The following SLC12A9 variants were observed in gnomAD, a reference collection of about 807,000 sequenced individuals.
SLC12A9 encodes CCC-interacting protein 1.
SLC12A9 carries 55 observed loss-of-function variants against 66.0 expected under a neutral mutation model. That is an observed-to-expected ratio of 0.83 (90% CI 0.67 to 1.04). The LOEUF is 1.04. Ranked by LOEUF, SLC12A9 falls within the 50% of genes least tolerant of loss-of-function variation. SLC12A9 has a pLI of 0.00. For synonymous variants in SLC12A9, 577 were observed against 569.0 expected (o/e 1.01, Z -0.20); for missense variants, 1,061 against 1,241.9 (o/e 0.85, Z 2.19).
At chr7:100,843,940 T>C (rs1813842965) in intron 1 of SLC12A9, among the ~76,000 whole-genome samples, 1 of 152,150 alleles carries the variant, frequency 6.6e-6, no homozygotes, top group Admixed American at 6.6e-5. Context: ...ATCAGTAGAC[T>C]GTGAGCAGTA....
Position 100,866,005 on chromosome 7 carries a change from T to G in SLC12A9, c.2145T>G (p.Ser715=). Residue 715 remains serine (S), a synonymous_variant, in exon 14 of 14, where the codon TCT becomes TCG. Coordinates refer to ENST00000354161, the MANE Select transcript of SLC12A9 (RefSeq NM_020246.4). This position sits in a 1 kb window ranked among gnomAD's most constrained non-coding sequence, Gnocchi z 7.3. The stretch of plus-strand genomic sequence containing the variant: ...CCCCTGAGCGGCTGAGCCGGGGGTC[T>G]GGGGGCACCTCTCAGCTGCACCATG... ...ALPPERLSRG[S]GGTSQLHHVD... The G allele has an allele frequency of 6.2e-7, 1 of 1,612,604 alleles. No individual in the cohort carries two copies.
At chr7:100,846,845 G>C (rs1022098435) in intron 1 of SLC12A9, among the ~76,000 whole-genome samples, 1 of 152,132 alleles carries the variant, frequency 6.6e-6, no homozygotes, top group African/African-American at 2.4e-5. Context: ...CCACACCCTA[G>C]GCCTAGTAGT....
chr7:100,860,513 C>T, intron 9 of SLC12A9: 1 of 468,200 alleles, frequency 2.1e-6, no homozygotes. Flanking sequence ...TTGGGGTATA[C>T]TAGTATTTTT....
chr7:100,864,049 G>A (rs181840341), intron 13 of SLC12A9, among the ~76,000 whole-genome samples: 1 of 151,038 alleles, frequency 6.6e-6, no homozygotes, highest in African/African-American at 2.4e-5. Flanking sequence ...AAGATATCAG[G>A]TCGGTGCAAA....
intron 1 of SLC12A9, among the ~76,000 whole-genome samples, chr7:100,840,671 C>T (rs1051676177): frequency 2.0e-5 from 3 of 149,258 alleles, no homozygotes; most frequent in Non-Finnish European, 4.4e-5. Context: ...GAAAGAAATG[C>T]AGAGAGAGAG....
In SLC12A9 at chr7:100,855,737, C is replaced by A. The variant is rs554726947; in HGVS notation, c.348C>A (p.Val116=). Residue 116 remains valine (V), a synonymous_variant, in exon 4 of 14, where the codon GTC becomes GTA. Transcript: ENST00000354161. Reference sequence around the variant, plus strand: ...TCAGCCGCACACTGGGGCCCGAGGTCGGGGGCAGCATTGGGCTCATGTTCT... The same window carrying A: ...TCAGCCGCACACTGGGGCCCGAGGTAGGGGGCAGCATTGGGCTCATGTTCT... The part of the protein sequence containing the change: ...FMISRTLGPE[V]GGSIGLMFYL... 2 of 1,614,088 alleles carry A rather than the reference C, an allele frequency of 1.2e-6. No homozygotes were observed. The highest frequency in any genetic ancestry group is 1.7e-6 in the Non-Finnish European group (2 of 1,180,010).
chr7:100,865,220 G>C, intron 13 of SLC12A9: 1 of 1,529,430 alleles, frequency 6.5e-7, no homozygotes, highest in Non-Finnish European at 8.8e-7. Context: ...AGCTTCCCAA[G>C]ATGCTGCGAT....
chr7:100,842,739 A>T (rs996948998), intron 1 of SLC12A9, among the ~76,000 whole-genome samples: 2 of 152,262 alleles, frequency 1.3e-5, no homozygotes, highest in Non-Finnish European at 2.9e-5. Flanking sequence ...CATTAAACAA[A>T]AGCAATTGTT....
At position 100,862,668 on chromosome 7, in the gene SLC12A9, A is replaced by G. The variant is rs747338156; in HGVS notation, c.1712-13A>G. 15 of 1,612,970 alleles carry G rather than the reference A, an allele frequency of 9.3e-6. No individual in the cohort carries two copies. The highest frequency in any genetic ancestry group is 1.3e-5 in the Non-Finnish European group (15 of 1,179,218). On this transcript the variant is annotated splice_polypyrimidine_tract_variant and intron_variant, in intron 12 of 13. Coordinates refer to ENST00000354161, the MANE Select transcript of SLC12A9 (RefSeq NM_020246.4). ...CAACACTGGCTACCTTCCTTTCCTTATCTTCTCTGTAGACTCCCTGCCCTC... is the reference window on the plus strand; with the variant it reads ...CAACACTGGCTACCTTCCTTTCCTTGTCTTCTCTGTAGACTCCCTGCCCTC...
At chr7:100,831,816 C>T (rs750869085) in intron 1 of SLC12A9, among the ~76,000 whole-genome samples, 1 of 152,116 alleles carries the variant, frequency 6.6e-6, no homozygotes, top group Non-Finnish European at 1.5e-5. Flanking sequence ...CTAACTGTGT[C>T]GGGTCCAAAG....
intron 1 of SLC12A9, among the ~76,000 whole-genome samples, chr7:100,831,692 G>T (rs1813547400): frequency 6.6e-6 from 1 of 152,148 alleles, no homozygotes; most frequent in Non-Finnish European, 1.5e-5. Flanking sequence ...TAATCCTGGA[G>T]TTACAGCTTT....
upstream of SLC12A9, among the ~76,000 whole-genome samples, chr7:100,851,572 T>A (rs1485045355): frequency 3.3e-5 from 5 of 150,614 alleles, no homozygotes; most frequent in Admixed American, 3.3e-4. Flanking sequence ...TGCAGGCGCA[T>A]GCTTGAGTTC....
chr7:100,854,098 T>G, intron 1 of SLC12A9, 58 bp from the exon 2 acceptor site: 1 of 1,160,494 alleles, frequency 8.6e-7, no homozygotes, highest in Non-Finnish European at 1.2e-6. Flanking sequence ...ATTAGTGGTC[T>G]TTGGGGGTGG....
intron 1 of SLC12A9, among the ~76,000 whole-genome samples, chr7:100,829,097 C>T (rs1157410080): frequency 6.6e-6 from 1 of 151,868 alleles, no homozygotes; most frequent in Non-Finnish European, 1.5e-5. Flanking sequence ...AAGCGATTCT[C>T]CTGCCTCAGC....
Position 100,859,971 on chromosome 7 carries a change from TC to T in SLC12A9, c.1065del (p.Ser356GlnfsTer4). 1 of 1,613,366 alleles carries T rather than the reference TC, an allele frequency of 6.2e-7. No homozygotes were observed. On this transcript the variant is annotated frameshift_variant, in exon 8 of 14. Coordinates refer to ENST00000354161, the MANE Select transcript of SLC12A9 (RefSeq NM_020246.4). LOFTEE classifies it high-confidence loss of function. The stretch of plus-strand genomic sequence containing the variant: ...TTGATCGGAATCTATGCCACAGCGC[TC>T]TCAGCGTCCATGAGCTCGCTCATTG... ...LVLIGIYATA[L>X]SASMSSLIGA...
chr7:100,833,376 C>T (rs1050782701), intron 1 of SLC12A9, among the ~76,000 whole-genome samples: 8 of 151,470 alleles, frequency 5.3e-5, no homozygotes, highest in Non-Finnish European at 8.8e-5. Context: ...GGCTGAGGCA[C>T]GAGAATTGCT....
At position 100,854,193 on chromosome 7, in the gene SLC12A9, C is replaced by T. The variant is rs868752743; in HGVS notation, c.-5C>T. 8.3e-6 allele frequency: 13 copies of T among 1,558,250 alleles called. 1 individual carries two copies. The Middle Eastern group carries it at 2.2e-3, about 259-fold the overall frequency. On this transcript the variant is annotated 5_prime_UTR_variant, in exon 2 of 14. Transcript: ENST00000354161. Reference sequence around the variant, plus strand: ...ATTTGTGGCTTCCTCTACCTGTGCTCAGCCATGGCCAGCGAGAGCTCACCT... The same window carrying T: ...ATTTGTGGCTTCCTCTACCTGTGCTTAGCCATGGCCAGCGAGAGCTCACCT...
intron 13 of SLC12A9, among the ~76,000 whole-genome samples, chr7:100,864,239 C>T (rs969379284): frequency 4.6e-5 from 7 of 151,922 alleles, no homozygotes; most frequent in East Asian, 1.9e-4. Flanking sequence ...CAGCATTGTC[C>T]GGCTAATTTT....
At chr7:100,837,649 T>G (rs376817086) in intron 1 of SLC12A9, 2 of 152,316 alleles carry the variant, frequency 1.3e-5, no homozygotes, top group East Asian at 1.9e-4. Context: ...AGCTCCTGTT[T>G]CGTGGAGCTT....
Sources: gnomAD v4.1 joint callset for allele counts (sites outside exome capture counted in the v4.1 genomes callset) on GRCh38, gnomAD v4.1.1 for gene constraint, Gnocchi (gnomAD v3.1) non-coding constraint, MANE v1.5 for transcripts, NCBI Gene and HGNC (gene_info 2026-07-23, HGNC 2026-07-21) for gene names.